Variants in NWD2 observed in about 807,000 individuals in gnomAD.
NWD2 encodes the protein NACHT and WD repeat domain containing 2, also known as NACHT and WD repeat domain-containing protein 2.
NWD2 carries 37 observed loss-of-function variants against 132.7 expected under a neutral mutation model. That is an observed-to-expected ratio of 0.28 (90% CI 0.21 to 0.37). The LOEUF (loss-of-function observed/expected upper bound fraction) is 0.37. Among genes scored for constraint, NWD2 ranks in the 10% least tolerant of loss-of-function variants. NWD2 has a pLI of 1.00. For synonymous variants in NWD2, 705 were observed against 803.0 expected (o/e 0.88, Z 2.06); for missense variants, 1,592 against 2,122.4 (o/e 0.75, Z 4.91).
intron 1 of NWD2, among the ~76,000 whole-genome samples, chr4:37,260,890 A>G (rs923598829): frequency 6.6e-6 from 1 of 152,202 alleles, no homozygotes; most frequent in Non-Finnish European, 1.5e-5. Context: ...CATACAACAC[A>G]TGATACAGGG....
chr4:37,447,087 A>G lies in NWD2; in HGVS notation c.5099A>G (p.Asp1700Gly), dbSNP rs1179968497. 1 of 1,551,632 alleles carries G rather than the reference A, an allele frequency of 6.4e-7. No homozygotes were observed. The highest frequency in any genetic ancestry group is 8.7e-7 in the Non-Finnish European group (1 of 1,146,976). ...GAGTCCACTGAGGTCTTTGCAAGAG[A>G]CAGCCCCATCACAGTTAGTGACTCT... ...WRESTEVFAR[D>G]SPITVSDSTE... The change falls in exon 7 of 7, where the codon GAC (aspartate) becomes GGC (glycine). Residue 1700 changes from aspartate to glycine, a missense_variant. Coordinates refer to ENST00000309447, the MANE Select transcript of NWD2 (RefSeq NM_001144990.2).
intron 1 of NWD2, among the ~76,000 whole-genome samples, chr4:37,258,664 G>A (rs1717567450): frequency 6.6e-6 from 1 of 152,192 alleles, no homozygotes; most frequent in Non-Finnish European, 1.5e-5. Context: ...ACAGTCTTGA[G>A]TGTCAGCAGG....
chr4:37,271,026 C>G (rs529158363), intron 1 of NWD2, among the ~76,000 whole-genome samples: 1 of 151,930 alleles, frequency 6.6e-6, no homozygotes, highest in South Asian at 2.1e-4. Context: ...ATTGCTTTGA[C>G]AGCTTTGTTG....
intron 1 of NWD2, among the ~76,000 whole-genome samples, chr4:37,251,843 C>G (rs1474163220): frequency 6.6e-6 from 1 of 152,186 alleles, no homozygotes; most frequent in South Asian, 2.1e-4. Context: ...GATGCATTCA[C>G]TCACTCAAGC....
intron 1 of NWD2, among the ~76,000 whole-genome samples, chr4:37,245,775 G>A (rs1717232228): frequency 6.6e-6 from 1 of 152,118 alleles, no homozygotes; most frequent in South Asian, 2.1e-4. Context: ...CACCCTCTGT[G>A]GGTCCCGGAA....
At chr4:37,283,235 T>C (rs969684713) in intron 1 of NWD2, among the ~76,000 whole-genome samples, 3 of 152,192 alleles carry the variant, frequency 2.0e-5, no homozygotes, top group Non-Finnish European at 4.4e-5. Context: ...TACAAAGCAA[T>C]CTGTTTTATC....
intron 3 of NWD2, among the ~76,000 whole-genome samples, chr4:37,393,202 G>GGA (rs397800927): frequency 6.8e-4 from 103 of 150,928 alleles, no homozygotes; most frequent in Admixed American, 1.3e-3. Context: ...GGGTTGGGGG[G>GGA]AGACTCTGAC....
At chr4:37,259,837 T>C (rs1717592664) in intron 1 of NWD2, among the ~76,000 whole-genome samples, 2 of 152,198 alleles carry the variant, frequency 1.3e-5, no homozygotes, top group Admixed American at 6.5e-5. Flanking sequence ...GAGAAGGATG[T>C]CTTCCTCCCC....
intron 2 of NWD2, among the ~76,000 whole-genome samples, chr4:37,349,030 G>A (rs1056136257): frequency 4.6e-5 from 7 of 151,922 alleles, no homozygotes; most frequent in African/African-American, 1.7e-4. Flanking sequence ...TTTTATGGCT[G>A]AATAGTATTC....
At chr4:37,438,661 A>G in intron 5 of NWD2, 140 bp from the exon 6 acceptor site, 1 of 590,612 alleles carries the variant, frequency 1.7e-6, no homozygotes, top group Non-Finnish European at 2.9e-6. Context: ...TAGGAAATCA[A>G]GAAATTATTC....
intron 1 of NWD2, among the ~76,000 whole-genome samples, chr4:37,316,854 T>C (rs1718970154): frequency 6.6e-6 from 1 of 152,152 alleles, no homozygotes; most frequent in Non-Finnish European, 1.5e-5. Flanking sequence ...AATATAACAA[T>C]TCTAGATCCT....
intron 1 of NWD2, among the ~76,000 whole-genome samples, chr4:37,275,033 C>T (rs1302547203): frequency 1.3e-5 from 2 of 152,080 alleles, no homozygotes; most frequent in Admixed American, 6.6e-5. Context: ...ACAGGGATGC[C>T]CTCTCTCACC....
chr4:37,262,272 ATTC>A (rs1717655164), intron 1 of NWD2, among the ~76,000 whole-genome samples: 1 of 152,222 alleles, frequency 6.6e-6, no homozygotes, highest in Non-Finnish European at 1.5e-5. Context: ...TAAGGAGCAT[ATTC>A]ACTCATTGAT....
At chr4:37,271,189 C>CT (rs1377025730) in intron 1 of NWD2, among the ~76,000 whole-genome samples, 1 of 151,808 alleles carries the variant, frequency 6.6e-6, no homozygotes, top group Non-Finnish European at 1.5e-5. Flanking sequence ...TCCATCCACT[C>CT]TATTTTTTCC....
rs572008447 is a variant in NWD2, at chr4:37,274,883, C to T, written c.151+29665C>T. Among the ~76,000 whole-genome samples the T allele has an allele frequency of 1.0e-4, 6 of 57,366 alleles. No individual in the cohort carries two copies. In the East Asian group the frequency reaches 1.1e-3, roughly 11 times the overall value. 37.6% of individuals were successfully genotyped at this position (57,366 alleles called of 152,430 possible). On this transcript the variant is annotated intron_variant, in intron 1 of 6. Transcript: ENST00000309447. ...AAGGCCTTTGACAAAATTCAACAAC[C>T]CTTCATGCTAAAAACTCAATAAATT...
chr4:37,405,088 A>T (rs890109646), intron 3 of NWD2, among the ~76,000 whole-genome samples: 5 of 152,178 alleles, frequency 3.3e-5, no homozygotes, highest in Non-Finnish European at 5.9e-5. Flanking sequence ...CACTGAAATG[A>T]TGAATCGATG....
At chr4:37,248,435 T>C (rs1428412707) in intron 1 of NWD2, among the ~76,000 whole-genome samples, 1 of 152,202 alleles carries the variant, frequency 6.6e-6, no homozygotes, top group Non-Finnish European at 1.5e-5. Flanking sequence ...GAAGGACCCA[T>C]GTGGGGGAGG....
intron 1 of NWD2, among the ~76,000 whole-genome samples, chr4:37,305,319 A>C (rs150520554): frequency 6.6e-6 from 1 of 152,138 alleles, no homozygotes; most frequent in Non-Finnish European, 1.5e-5. Context: ...CCCTGGAGGC[A>C]TTTTTGCCAT....
chr4:37,291,166 A>G (rs1484485712), intron 1 of NWD2, among the ~76,000 whole-genome samples: 1 of 152,188 alleles, frequency 6.6e-6, no homozygotes, highest in Non-Finnish European at 1.5e-5. Context: ...AACAGTTTAA[A>G]AATAAATGTA....
Sources: allele counts gnomAD v4.1 joint callset (sites outside exome capture counted in the v4.1 genomes callset), GRCh38; gene constraint gnomAD v4.1.1; transcripts MANE v1.5; gene names NCBI Gene and HGNC (gene_info 2026-07-23, HGNC 2026-07-21).